NRG1: variants seen among roughly 807,000 people sequenced by gnomAD.
NRG1 encodes the protein neuregulin 1.
In NRG1, 18 loss-of-function variants were observed where a neutral mutation model predicts 63.8. That is an observed-to-expected ratio of 0.28 (90% confidence interval 0.19 to 0.42). NRG1 has a LOEUF of 0.42. Ranked by LOEUF, NRG1 falls within the 10% of genes least tolerant of loss-of-function variation. NRG1 has a pLI of 1.00. For missense variants in NRG1, 762 were observed against 814.7 expected, an observed-to-expected ratio of 0.94 and a Z score of 0.79; for synonymous variants, 302 against 301.3, an observed-to-expected ratio of 1.00 and a Z score of -0.02.
At chr8:32,060,470 CT>C (rs553011552) in intron 1 of NRG1, among the ~76,000 whole-genome samples, 37 of 152,042 alleles carry the variant, frequency 2.4e-4, no homozygotes, top group Non-Finnish European at 3.1e-4. Flanking sequence ...TAAAGCCTTG[CT>C]TTTCTACTGG....
intron 1 of NRG1, among the ~76,000 whole-genome samples, chr8:31,745,584 G>GAA (rs747272207): frequency 3.3e-5 from 5 of 151,896 alleles, no homozygotes; most frequent in Non-Finnish European, 7.4e-5. Context: ...TTTACTGATG[G>GAA]AAACATCATC....
At chr8:32,409,937 T>A (rs993528931) in intron 1 of NRG1, among the ~76,000 whole-genome samples, 1 of 152,130 alleles carries the variant, frequency 6.6e-6, no homozygotes, top group East Asian at 1.9e-4. Flanking sequence ...TTCATCTGTG[T>A]CTTACAGGCA....
At chr8:32,451,467 G>A (rs779851565) in intron 1 of NRG1, among the ~76,000 whole-genome samples, 15 of 152,164 alleles carry the variant, frequency 9.9e-5, no homozygotes, top group Non-Finnish European at 1.6e-4. Context: ...CTTTTTCCCC[G>A]GGGAGGGGGA....
At chr8:31,864,960 T>C (rs1828818318) in intron 1 of NRG1, among the ~76,000 whole-genome samples, 1 of 152,248 alleles carries the variant, frequency 6.6e-6, no homozygotes, top group South Asian at 2.1e-4. Flanking sequence ...AATGCTACGT[T>C]CACCTACATC....
intron 1 of NRG1, among the ~76,000 whole-genome samples, chr8:31,717,403 T>G (rs1483639774): frequency 8.5e-6 from 1 of 117,138 alleles, no homozygotes. Context: ...TGAGACTCCA[T>G]CTCGACATTA....
intron 1 of NRG1, among the ~76,000 whole-genome samples, chr8:32,070,993 C>T (rs1417520887): frequency 1.3e-5 from 2 of 152,158 alleles, no homozygotes; most frequent in East Asian, 1.9e-4. Context: ...TGTGCCACTT[C>T]GAGGCCTCAC....
intron 1 of NRG1, chr8:32,026,209 C>CA (rs1372427537): frequency 2.0e-5 from 3 of 151,896 alleles, no homozygotes; most frequent in East Asian, 4.0e-4. Context: ...GCCGGGACTA[C>CA]AGGCGCCTGT....
chr8:32,532,491 A>G (rs1390269651), intron 1 of NRG1, among the ~76,000 whole-genome samples: 1 of 152,160 alleles, frequency 6.6e-6, no homozygotes, highest in Non-Finnish European at 1.5e-5. Context: ...TTAGAGAAAC[A>G]GTGTTTTTCT....
chr8:31,816,102 G>A (rs1348713843), intron 1 of NRG1, among the ~76,000 whole-genome samples: 2 of 152,216 alleles, frequency 1.3e-5, no homozygotes, highest in African/African-American at 2.4e-5. Context: ...TGGCACTAAA[G>A]CTACTTCTTC....
rs575436441 is a variant in NRG1, at chr8:32,142,911, T to C, written c.38-452917T>C. Reference sequence around the variant, plus strand: ...GATTAGGTTTCTAAAGGTATACTTATGTCTGCCTTCGTCTTCAGAAAACAA... The same window carrying C: ...GATTAGGTTTCTAAAGGTATACTTACGTCTGCCTTCGTCTTCAGAAAACAA... On this transcript the variant is annotated intron_variant, in intron 1 of 10. Coordinates refer to the NRG1 transcript ENST00000519301. Among the ~76,000 whole-genome samples the C allele has an allele frequency of 6.6e-5, 10 of 152,382 alleles. No homozygotes were observed. The South Asian group carries it at 1.4e-3, about 22-fold the overall frequency.
chr8:31,759,847 ATC>A (rs1248452895), intron 1 of NRG1, among the ~76,000 whole-genome samples: 1 of 152,104 alleles, frequency 6.6e-6, no homozygotes, highest in Non-Finnish European at 1.5e-5. Context: ...TGAGTCTATT[ATC>A]TCTCTCAATT....
At chr8:32,763,168 A>G (rs1417842482) in intron 11 of NRG1, 1 of 1,577,728 alleles carries the variant, frequency 6.3e-7, no homozygotes, top group Non-Finnish European at 8.7e-7. Context: ...AATGTATGAC[A>G]CTGTTGTCAG....
chr8:32,039,436 A>G (rs117707874), intron 1 of NRG1, among the ~76,000 whole-genome samples: 2,211 of 152,326 alleles, frequency 0.015, 28 homozygotes, highest in Non-Finnish European at 0.022. Context: ...CTCAGATGCT[A>G]TAGCACACAA....
intron 1 of NRG1, among the ~76,000 whole-genome samples, chr8:31,924,467 TA>T (rs1426169458): frequency 6.6e-6 from 1 of 152,200 alleles, no homozygotes; most frequent in Non-Finnish European, 1.5e-5. Flanking sequence ...CTTTTGTTTT[TA>T]TACCTGATAT....
At chr8:32,309,340 G>A (rs912964289) in intron 1 of NRG1, among the ~76,000 whole-genome samples, 9 of 151,944 alleles carry the variant, frequency 5.9e-5, no homozygotes, top group Non-Finnish European at 1.0e-4. Flanking sequence ...ATCTCCTAGT[G>A]ACTCCCCTAG....
chr8:32,362,001 C>T (rs562123265), intron 1 of NRG1, among the ~76,000 whole-genome samples: 1 of 152,282 alleles, frequency 6.6e-6, no homozygotes, highest in South Asian at 2.1e-4. Context: ...CAGAGATGAT[C>T]TCAAGTGTCA....
At chr8:31,687,167 G>C (rs1192040502) in intron 1 of NRG1, among the ~76,000 whole-genome samples, 1 of 152,148 alleles carries the variant, frequency 6.6e-6, no homozygotes, top group African/African-American at 2.4e-5. Context: ...TAAATGCATC[G>C]ACTATCTGGG....
At chr8:32,332,042 T>C (rs1439879529) in intron 1 of NRG1, among the ~76,000 whole-genome samples, 16 of 151,834 alleles carry the variant, frequency 1.1e-4, no homozygotes. Context: ...CCCCAACACT[T>C]TGGGAGGCTG....
intron 1 of NRG1, among the ~76,000 whole-genome samples, chr8:32,210,406 C>T (rs1421728672): frequency 6.6e-6 from 1 of 152,140 alleles, no homozygotes; most frequent in African/African-American, 2.4e-5. Flanking sequence ...AAAAGCCAAA[C>T]ACCTTAGTAT....
Sources: allele counts gnomAD v4.1 joint callset (sites outside exome capture counted in the v4.1 genomes callset), GRCh38; gene constraint gnomAD v4.1.1; transcripts MANE v1.5; gene names NCBI Gene and HGNC (gene_info 2026-07-23, HGNC 2026-07-21).